Variants in SRF observed in about 807,000 individuals in gnomAD.
SRF encodes the protein c-fos serum response element-binding transcription factor.
SRF carries 7 observed loss-of-function variants against 37.1 expected under a neutral mutation model. The ratio of observed to expected loss-of-function variants is 0.19; its 90% CI spans 0.11 to 0.35. The LOEUF is 0.35. Ranked by LOEUF, SRF falls within the 10% of genes least tolerant of loss-of-function variation. The pLI, the probability that SRF is intolerant of heterozygous loss-of-function variation, is 1.00. For missense variants in SRF, 395 were observed against 694.4 expected, an observed-to-expected ratio of 0.57 and a Z score of 4.85; for synonymous variants, 285 against 310.1, an observed-to-expected ratio of 0.92 and a Z score of 0.85.
intron 4 of SRF, among the ~76,000 whole-genome samples, chr6:43,177,638 G>A (rs554396250): frequency 7.9e-4 from 120 of 151,466 alleles, no homozygotes; most frequent in African/African-American, 2.4e-3. Flanking sequence ...GAGAGAGGCC[G>A]GGTGCGGTGG....
At chr6:43,174,786 G>A (rs1340400125) in intron 2 of SRF, among the ~76,000 whole-genome samples, 1 of 152,172 alleles carries the variant, frequency 6.6e-6, no homozygotes, top group Admixed American at 6.5e-5. Flanking sequence ...AGGGTCTTGG[G>A]CCCAGCTGCT....
chr6:43,174,350 C>A (rs997547960), intron 2 of SRF, among the ~76,000 whole-genome samples: 1 of 152,240 alleles, frequency 6.6e-6, no homozygotes, highest in Admixed American at 6.5e-5. Flanking sequence ...CTCCCGCCCG[C>A]AGCCCGCCTG....
At position 43,178,787 on chromosome 6, in the gene SRF, C is replaced by T; in HGVS notation, c.1355-19C>T. The T allele has an allele frequency of 6.2e-7, 1 of 1,613,396 alleles. No individual in the cohort carries two copies. The highest frequency in any genetic ancestry group is 8.5e-7 in the Non-Finnish European group (1 of 1,179,334). On this transcript the variant is annotated intron_variant, in intron 5 of 6. Transcript: ENST00000265354. The surrounding 1 kb of genome is among the most constrained non-coding windows in gnomAD (Gnocchi z 4.3). ...TTTCAACAAACAATTTGAGTATCTC[C>T]TGTGGTTTTCCAATGTAGGTGGCGT...
At chr6:43,174,803 A>G (rs1237368946) in intron 2 of SRF, among the ~76,000 whole-genome samples, 1 of 151,938 alleles carries the variant, frequency 6.6e-6, no homozygotes, top group African/African-American at 2.4e-5. Context: ...TGCTTTGCAA[A>G]CGTCTCGTGC....
In SRF at chr6:43,178,253, T is replaced by C. The variant is rs1171064618; in HGVS notation, c.1163-41T>C. On this transcript the variant is annotated intron_variant, in intron 4 of 6. Coordinates refer to ENST00000265354, the MANE Select transcript of SRF (RefSeq NM_003131.4). The surrounding 1 kb of genome is among the most constrained non-coding windows in gnomAD (Gnocchi z 4.3). ...CTAGGGACGGAATGGGAGTTATCAGTGGGGACCAGTGCCGAGCTGACACAT... is the reference window on the plus strand; with the variant it reads ...CTAGGGACGGAATGGGAGTTATCAGCGGGGACCAGTGCCGAGCTGACACAT... 1 of 1,554,432 alleles carries C rather than the reference T, an allele frequency of 6.4e-7. No homozygotes were observed.
In SRF at chr6:43,179,505, C is replaced by T. The variant is rs1455209443; in HGVS notation, c.*315C>T. ...TGAGTATTAGCTTACCCAATGGGAC[C>T]GTGCCCCACCTCCCCACACACAGGC... On this transcript the variant is annotated 3_prime_UTR_variant, in exon 7 of 7. Coordinates refer to ENST00000265354, the MANE Select transcript of SRF (RefSeq NM_003131.4). This position sits in a 1 kb window ranked among gnomAD's most constrained non-coding sequence, Gnocchi z 5.3. The T allele has an allele frequency of 1.1e-5, 4 of 377,686 alleles. No individual in the cohort carries two copies. The highest frequency in any genetic ancestry group is 2.4e-5 in the South Asian group (1 of 41,980). 23.4% of individuals were successfully genotyped at this position (377,686 alleles called of 1,614,324 possible).
At position 43,178,211 on chromosome 6, in the gene SRF, C is replaced by T. The variant is rs997688847; in HGVS notation, c.1163-83C>T. ...TGACCTGGGAAATGGCAAGAGGGCTCTGGGGGCCTGGAATTCCTAGGGACG... is the reference window on the plus strand; with the variant it reads ...TGACCTGGGAAATGGCAAGAGGGCTTTGGGGGCCTGGAATTCCTAGGGACG... On this transcript the variant is annotated intron_variant, in intron 4 of 6. Transcript: ENST00000265354. This position sits in a 1 kb window ranked among gnomAD's most constrained non-coding sequence, Gnocchi z 4.3. 1 of 1,413,970 alleles carries T rather than the reference C, an allele frequency of 7.1e-7. No homozygotes were observed. Among genetic ancestry groups the T allele is most frequent in the African/African-American group, 1.4e-5 (1 of 70,324 alleles). The allele number at this position is 1,413,970 out of a possible 1,614,324, so 87.6% of individuals were successfully genotyped here. A position where few individuals can be genotyped will look rare whatever the true frequency, so the allele number is the denominator to read the frequency against.
Position 43,181,136 on chromosome 6 carries a change from T to C in SRF, c.*1946T>C, listed in dbSNP as rs1772326096. 1 of 152,724 alleles carries C rather than the reference T, an allele frequency of 6.5e-6. No individual in the cohort carries two copies. The highest frequency in any genetic ancestry group is 2.4e-5 in the African/African-American group (1 of 41,450). 9.5% of individuals were successfully genotyped at this position (152,724 alleles called of 1,614,324 possible). Reference sequence around the variant, plus strand: ...CCCCCACCCATGGGGAGGAGACCTTTGATGAATTCTTCCTCTCCTTCCCAC... The same window carrying C: ...CCCCCACCCATGGGGAGGAGACCTTCGATGAATTCTTCCTCTCCTTCCCAC... On this transcript the variant is annotated 3_prime_UTR_variant, in exon 7 of 7. Coordinates refer to ENST00000265354, the MANE Select transcript of SRF (RefSeq NM_003131.4).
intron 4 of SRF, among the ~76,000 whole-genome samples, chr6:43,177,655 T>C (rs1399662633): frequency 2.3e-4 from 35 of 150,494 alleles, no homozygotes; most frequent in Admixed American, 1.8e-3. Context: ...GTGGCTCACG[T>C]CTGTAATCCC....
chr6:43,174,635 C>T (rs1323932099), intron 2 of SRF, among the ~76,000 whole-genome samples: 3 of 152,242 alleles, frequency 2.0e-5, no homozygotes. Context: ...GTTACTCCTC[C>T]CCCTTCCTTT....
At position 43,179,478 on chromosome 6, in the gene SRF, C is replaced by A. The variant is rs530760919; in HGVS notation, c.*288C>A. On this transcript the variant is annotated 3_prime_UTR_variant, in exon 7 of 7. Coordinates refer to ENST00000265354, the MANE Select transcript of SRF (RefSeq NM_003131.4). This position sits in a 1 kb window ranked among gnomAD's most constrained non-coding sequence, Gnocchi z 5.3. The stretch of plus-strand genomic sequence containing the variant: ...CTCGCCAGCTTGGCTCGATGTTTGC[C>A]ATGAGTATTAGCTTACCCAATGGGA... 4.2e-6 allele frequency: 2 copies of A among 474,592 alleles called. No individual in the cohort carries two copies. Among genetic ancestry groups the A allele is most frequent in the Admixed American group, 3.4e-5 (1 of 29,592 alleles). The allele number at this position is 474,592 out of a possible 1,614,324, so 29.4% of individuals were successfully genotyped here. A position where few individuals can be genotyped will look rare whatever the true frequency, so the allele number is the denominator to read the frequency against.
chr6:43,179,355 G>A lies in SRF; in HGVS notation c.*165G>A. ...CCTCTCACTCCAGCCAAAGAAATGG[G>A]CCTGCCTGCCTCCACCCGTCCTCCC... On this transcript the variant is annotated 3_prime_UTR_variant, in exon 7 of 7. Transcript: ENST00000265354. This position sits in a 1 kb window ranked among gnomAD's most constrained non-coding sequence, Gnocchi z 5.3. 1.5e-6 allele frequency: 1 copy of A among 677,052 alleles called. No homozygotes were observed. The highest frequency in any genetic ancestry group is 2.5e-6 in the Non-Finnish European group (1 of 392,376). 41.9% of individuals were successfully genotyped at this position (677,052 alleles called of 1,614,324 possible).
rs1436965645 is a variant in SRF, at chr6:43,179,937, T to A, written c.*747T>A. ...GACGAAGTGAAAACAAATCTATAAA[T>A]ATATATTTTTAAAATATTTAACTTT... On this transcript the variant is annotated 3_prime_UTR_variant, in exon 7 of 7. Coordinates refer to ENST00000265354, the MANE Select transcript of SRF (RefSeq NM_003131.4). This position sits in a 1 kb window ranked among gnomAD's most constrained non-coding sequence, Gnocchi z 5.3. 2 of 152,390 alleles carry A rather than the reference T, an allele frequency of 1.3e-5. No homozygotes were observed. The highest frequency in any genetic ancestry group is 4.1e-4 in the South Asian group (2 of 4,834). The allele number at this position is 152,390 out of a possible 1,614,324, so 9.4% of individuals were successfully genotyped here. A position where few individuals can be genotyped will look rare whatever the true frequency, so the allele number is the denominator to read the frequency against.
Position 43,176,816 on chromosome 6 carries a change from C to G in SRF, c.1162+149C>G. ...TTGGGCCTAATAATTATGGGGAAGT[C>G]AGGTGAGGATGACTGGGTTTTGAAT... On this transcript the variant is annotated intron_variant, in intron 4 of 6. Coordinates refer to ENST00000265354, the MANE Select transcript of SRF (RefSeq NM_003131.4). The surrounding 1 kb of genome is among the most constrained non-coding windows in gnomAD (Gnocchi z 4.0). 1 of 1,254,878 alleles carries G rather than the reference C, an allele frequency of 8.0e-7. No individual in the cohort carries two copies. The highest frequency in any genetic ancestry group is 2.5e-5 in the East Asian group (1 of 39,364). The allele number at this position is 1,254,878 out of a possible 1,614,324, so 77.7% of individuals were successfully genotyped here.
chr6:43,177,888 C>T (rs1772234813), intron 4 of SRF, among the ~76,000 whole-genome samples: 1 of 145,306 alleles, frequency 6.9e-6, no homozygotes, highest in South Asian at 2.2e-4. Context: ...GCACCCCAGC[C>T]TGGGTGACAG....
Position 43,172,053 on chromosome 6 carries a change from G to A in SRF, c.397G>A (p.Gly133Arg). ...GYGPVSGAVS[G>R]AKPGKKTRGR... ...CGGGCCGGTGAGCGGCGCGGTGAGC[G>A]GGGCCAAGCCGGGTAAGAAGACCCG... is the stretch of plus-strand genomic sequence containing the variant. The change falls in exon 1 of 7, where the codon GGG (glycine) becomes AGG (arginine). Residue 133 changes from glycine to arginine, a missense_variant. Physicochemically the swap from Gly to Arg is moderately radical, Grantham distance 125. Around this residue, in one of 4 missense-constraint regions of SRF, gnomAD observed 134 missense variants for 204.5 expected, o/e 0.66. Transcript: ENST00000265354. This position sits in a 1 kb window ranked among gnomAD's most constrained non-coding sequence, Gnocchi z 5.7. 1 of 1,607,288 alleles carries A rather than the reference G, an allele frequency of 6.2e-7. No individual in the cohort carries two copies. Among genetic ancestry groups the A allele is most frequent in the Non-Finnish European group, 8.5e-7 (1 of 1,177,642 alleles).
Position 43,173,795 on chromosome 6 carries a change from A to G in SRF, c.514-52A>G. ...AATTCTTTTTCCAACTTCTCAAGGA[A>G]GGTAGAGATAAAAAGTTTGCTGACC... On this transcript the variant is annotated intron_variant, in intron 1 of 6. Coordinates refer to ENST00000265354, the MANE Select transcript of SRF (RefSeq NM_003131.4). This position sits in a 1 kb window ranked among gnomAD's most constrained non-coding sequence, Gnocchi z 4.2. 6.3e-7 allele frequency: 1 copy of G among 1,582,174 alleles called. No individual in the cohort carries two copies. Among genetic ancestry groups the G allele is most frequent in the Non-Finnish European group, 8.6e-7 (1 of 1,162,132 alleles).
rs73436476 is a variant in SRF at position 43,174,679 on chromosome 6, T to G, written c.780+566T>G. 9.7e-3 allele frequency among the ~76,000 whole-genome samples: 1,472 copies of G among 152,328 alleles called. 19 individuals are homozygous for G. The highest frequency in any genetic ancestry group is 0.033 in the African/African-American group (1,373 of 41,568). ...AGGAGAGGGGGTGGGGCTTCCTCCC[T>G]TGCTGTCTGGGGAGCTCCACCTTCC... is the stretch of plus-strand genomic sequence containing the variant. On this transcript the variant is annotated intron_variant, in intron 2 of 6. Transcript: ENST00000265354.
In SRF at chr6:43,176,486, G is replaced by A. The variant is rs141992873; in HGVS notation, c.1043-62G>A. Reference sequence around the variant, plus strand: ...AGACCCTGGGACTGGGGTGTCCATGGGTACTTGGTGGAGGTGGCAATTGGG... The same window carrying A: ...AGACCCTGGGACTGGGGTGTCCATGAGTACTTGGTGGAGGTGGCAATTGGG... On this transcript the variant is annotated intron_variant, in intron 3 of 6. Transcript: ENST00000265354. The surrounding 1 kb of genome is among the most constrained non-coding windows in gnomAD (Gnocchi z 4.0). 24 of 1,600,824 alleles carry A rather than the reference G, an allele frequency of 1.5e-5. No individual in the cohort carries two copies. The highest frequency in any genetic ancestry group is 1.5e-4 in the African/African-American group (11 of 74,864).
Sources: gnomAD v4.1 joint callset for allele counts (sites outside exome capture counted in the v4.1 genomes callset) on GRCh38, gnomAD v4.1.1 for gene constraint, gnomAD v4.1.1 regional missense constraint, Gnocchi (gnomAD v3.1) non-coding constraint, MANE v1.5 for transcripts, NCBI Gene and HGNC (gene_info 2026-07-23, HGNC 2026-07-21) for gene names.